The following NPR3 variants were observed in gnomAD, a reference collection of about 807,000 sequenced individuals.
The protein encoded by NPR3 is atrial natriuretic peptide receptor 3.
A neutral mutation model predicts 54.5 loss-of-function variants in NPR3; 34 were observed. The observed-to-expected ratio is 0.62, with a 90% CI of 0.47 to 0.83. The LOEUF (loss-of-function observed/expected upper bound fraction) is 0.83. Among genes scored for constraint, NPR3 ranks in the 40% least tolerant of loss-of-function variants. The pLI, the probability that NPR3 is intolerant of heterozygous loss-of-function variation, is 0.00. For missense variants in NPR3, 674 were observed against 720.8 expected, an observed-to-expected ratio of 0.94 and a Z score of 0.74; for synonymous variants, 289 against 297.1, an observed-to-expected ratio of 0.97 and a Z score of 0.28.
At chr5:32,778,723 C>T (rs1561131166) in intron 4 of NPR3, among the ~76,000 whole-genome samples, 1 of 152,214 alleles carries the variant, frequency 6.6e-6, no homozygotes, top group Non-Finnish European at 1.5e-5. Context: ...CAGGTGAAGT[C>T]TCACTTTGCT....
At chr5:32,732,190 G>A (rs1739494245) in intron 2 of NPR3, among the ~76,000 whole-genome samples, 1 of 141,064 alleles carries the variant, frequency 7.1e-6, no homozygotes, top group African/African-American at 2.7e-5. Context: ...GCAGTGAGCC[G>A]AGATTGCGCC....
Position 32,711,811 on chromosome 5 carries a change from G to A in NPR3, c.35G>A (p.Cys12Tyr), listed in dbSNP as rs1738250275. The change falls in exon 1 of 8, where the codon TGC (cysteine) becomes TAC (tyrosine). Residue 12 changes from cysteine to tyrosine, a missense_variant. Coordinates refer to ENST00000265074, the MANE Select transcript of NPR3 (RefSeq NM_001204375.2). ...PSLLVLTFSP[C>Y]VLLGWALLAG... ...CTGCTGGTGCTCACTTTCTCCCCGTGCGTACTACTCGGCTGGGCGTTGCTG... is the reference window on the plus strand; with the variant it reads ...CTGCTGGTGCTCACTTTCTCCCCGTACGTACTACTCGGCTGGGCGTTGCTG... 1 of 1,447,718 alleles carries A rather than the reference G, an allele frequency of 6.9e-7. No homozygotes were observed. Among genetic ancestry groups the A allele is most frequent in the East Asian group, 2.6e-5 (1 of 38,844 alleles). The allele number at this position is 1,447,718 out of a possible 1,614,324, so 89.7% of individuals were successfully genotyped here. A position where few individuals can be genotyped will look rare whatever the true frequency, so the allele number is the denominator to read the frequency against.
intron 3 of NPR3, among the ~76,000 whole-genome samples, chr5:32,763,363 A>C (rs2088909): frequency 0.21 from 31,378 of 152,002 alleles, 3,361 homozygotes; most frequent in South Asian, 0.27. Context: ...CCCAGGCTAG[A>C]GTGCAGTGGC....
chr5:32,692,132 G>T (rs17540044), intron 1 of NPR3, among the ~76,000 whole-genome samples: 1 of 152,024 alleles, frequency 6.6e-6, no homozygotes, highest in South Asian at 2.1e-4. Flanking sequence ...AGTGTGCCAA[G>T]AATTGAGGAT....
rs922616043 is a variant in NPR3, at chr5:32,789,289, G to T, written c.*2944G>T. ...CATTGTCTTCTTAGATTTTTGGGTA[G>T]GGGGGCCAGGTAGGGGGAGACTCAG... On this transcript the variant is annotated 3_prime_UTR_variant, in exon 8 of 8. Transcript: ENST00000265074. The T allele has an allele frequency of 3.4e-4, 127 of 374,168 alleles. 1 individual carries two copies. The highest frequency in any genetic ancestry group is 2.1e-3 in the Middle Eastern group (2 of 960). The allele number at this position is 374,168 out of a possible 1,614,324, so 23.2% of individuals were successfully genotyped here.
chr5:32,713,199 C>T (rs1738359772), intron 1 of NPR3: 2 of 985,442 alleles, frequency 2.0e-6, no homozygotes, highest in African/African-American at 1.7e-5. Context: ...CTCACTTCTC[C>T]CAGAGTGTTC....
intron 2 of NPR3, among the ~76,000 whole-genome samples, chr5:32,726,465 T>C (rs974228855): frequency 1.3e-5 from 2 of 152,170 alleles, no homozygotes; most frequent in Non-Finnish European, 2.9e-5. Context: ...GAGTGGTGCT[T>C]TCACTTCTTC....
intron 1 of NPR3, among the ~76,000 whole-genome samples, chr5:32,719,240 A>G (rs1031315571): frequency 6.6e-6 from 1 of 152,084 alleles, no homozygotes; most frequent in African/African-American, 2.4e-5. Context: ...GTTCTTCAAC[A>G]TCTTCCTGGG....
At position 32,786,547 on chromosome 5, in the gene NPR3, C is replaced by A; in HGVS notation, c.*202C>A. The A allele has an allele frequency of 1.8e-6, 1 of 560,946 alleles. No homozygotes were observed. 34.7% of individuals were successfully genotyped at this position (560,946 alleles called of 1,614,324 possible). A position where few individuals can be genotyped will look rare whatever the true frequency, so the allele number is the denominator to read the frequency against. On this transcript the variant is annotated 3_prime_UTR_variant, in exon 8 of 8. Coordinates refer to ENST00000265074, the MANE Select transcript of NPR3 (RefSeq NM_001204375.2). ...TCCAGGCCTTTCATCTCATGACAAACAAATATAATAATGATATCGTGTCAC... is the reference window on the plus strand; with the variant it reads ...TCCAGGCCTTTCATCTCATGACAAAAAAATATAATAATGATATCGTGTCAC...
chr5:32,763,153 G>A (rs1741265748), intron 3 of NPR3, among the ~76,000 whole-genome samples: 1 of 152,106 alleles, frequency 6.6e-6, no homozygotes, highest in Admixed American at 6.6e-5. Flanking sequence ...GATGTGTGGT[G>A]TTATTTCTGA....
rs1299598418 is a variant in NPR3, at chr5:32,711,745, G to A, written c.-32G>A. 2 of 1,411,350 alleles carry A rather than the reference G, an allele frequency of 1.4e-6. No individual in the cohort carries two copies. Among genetic ancestry groups the A allele is most frequent in the South Asian group, 3.3e-5 (2 of 60,538 alleles). The allele number at this position is 1,411,350 out of a possible 1,614,324, so 87.4% of individuals were successfully genotyped here. On this transcript the variant is annotated 5_prime_UTR_variant, in exon 1 of 8. Coordinates refer to ENST00000265074, the MANE Select transcript of NPR3 (RefSeq NM_001204375.2). ...GGTGGGGGGCAGAGGGCGAGTCGGC[G>A]GCGGCGAGGGCAAGCTCTTTCTTGC...
intron 1 of NPR3, chr5:32,713,204 G>A (rs1738360073): frequency 1.0e-6 from 1 of 985,330 alleles, no homozygotes; most frequent in East Asian, 1.1e-4. Context: ...TTCTCCCAGA[G>A]TGTTCTGCAA....
At chr5:32,702,322 A>G (rs940254200) in intron 1 of NPR3, among the ~76,000 whole-genome samples, 26 of 151,998 alleles carry the variant, frequency 1.7e-4, no homozygotes, top group Admixed American at 3.3e-4. Flanking sequence ...GGTTAGTTAC[A>G]TATGTATACA....
chr5:32,739,943 C>T (rs994065310), intron 3 of NPR3, among the ~76,000 whole-genome samples: 22 of 152,062 alleles, frequency 1.4e-4, no homozygotes, highest in Admixed American at 9.8e-4. Flanking sequence ...TGCAGTGGCG[C>T]GATCACGGCT....
intron 6 of NPR3, among the ~76,000 whole-genome samples, chr5:32,784,444 C>T (rs139698369): frequency 6.6e-6 from 1 of 152,168 alleles, no homozygotes; most frequent in Non-Finnish European, 1.5e-5. Context: ...CCACCTTGGC[C>T]TCCCAATTCT....
chr5:32,711,880 G>T lies in NPR3; in HGVS notation c.104G>T (p.Gly35Val). The change falls in exon 1 of 8, where the codon GGC becomes GTC. Residue 35 changes from glycine (G) to valine (V), a missense_variant. By Grantham distance (109) the Gly-to-Val change is moderately radical. Coordinates refer to ENST00000265074, the MANE Select transcript of NPR3 (RefSeq NM_001204375.2). ...GGGGVGGGGG[G>V]AGIGGGRQER... ...GGTGGCGTTGGCGGCGGCGGCGGTG[G>T]CGCGGGCATAGGCGGCGGACGCCAG... is the stretch of plus-strand genomic sequence containing the variant. The T allele has an allele frequency of 6.8e-7, 1 of 1,465,856 alleles. No homozygotes were observed. Among genetic ancestry groups the T allele is most frequent in the East Asian group, 2.5e-5 (1 of 39,400 alleles). The allele number at this position is 1,465,856 out of a possible 1,614,324, so 90.8% of individuals were successfully genotyped here.
At position 32,764,788 on chromosome 5, in the gene NPR3, C is replaced by CAAAAAA. The variant is rs568944478; in HGVS notation, c.1060-9897_1060-9892dup. The stretch of plus-strand genomic sequence containing the variant: ...GGGTGACAAGAGTGAGGGTCCATCT[C>CAAAAAA]AAAAAAAAAAAAAAAAAAAAAAAAA... On this transcript the variant is annotated intron_variant, in intron 3 of 7. Coordinates refer to ENST00000265074, the MANE Select transcript of NPR3 (RefSeq NM_001204375.2). 2.9e-3 allele frequency among the ~76,000 whole-genome samples: 105 copies of CAAAAAA among 36,496 alleles called. 3 individuals are homozygous for CAAAAAA. The highest frequency in any genetic ancestry group is 6.6e-3 in the South Asian group (5 of 760). 23.9% of individuals were successfully genotyped at this position (36,496 alleles called of 152,430 possible).
chr5:32,721,450 C>T (rs1738855555), intron 1 of NPR3, among the ~76,000 whole-genome samples: 1 of 152,124 alleles, frequency 6.6e-6, no homozygotes, highest in Admixed American at 6.5e-5. Flanking sequence ...ATCACTTAGC[C>T]TGGCCAACAT....
At chr5:32,767,085 C>G (rs1741513600) in intron 3 of NPR3, among the ~76,000 whole-genome samples, 7 of 152,240 alleles carry the variant, frequency 4.6e-5, no homozygotes, top group Admixed American at 4.6e-4. Context: ...AGGACATTGT[C>G]AGTCTTAGTC....
Sources: gnomAD v4.1 joint callset for allele counts (sites outside exome capture counted in the v4.1 genomes callset) on GRCh38, gnomAD v4.1.1 for gene constraint, MANE v1.5 for transcripts, NCBI Gene and HGNC (gene_info 2026-07-23, HGNC 2026-07-21) for gene names.